TTC34: variants seen among roughly 807,000 people sequenced by gnomAD.
The protein encoded by TTC34 is tetratricopeptide repeat protein 34.
Under a neutral mutation model 40.7 loss-of-function variants are expected in TTC34, and 44 were observed. That is an observed-to-expected ratio of 1.08 (90% CI 0.85 to 1.39). The LOEUF (loss-of-function observed/expected upper bound fraction) is 1.39, where lower values mean the gene tolerates loss of function less well. Among genes scored for constraint, TTC34 ranks in the 40% most tolerant of loss-of-function variants. TTC34 has a pLI of 0.00. For synonymous variants in TTC34, 422 were observed against 398.6 expected (o/e 1.06, Z -0.70); for missense variants, 884 against 838.0 (o/e 1.05, Z -0.68).
At chr1:2,791,103 C>T (rs1020273348) in intron 2 of TTC34, among the ~76,000 whole-genome samples, 3 of 152,274 alleles carry the variant, frequency 2.0e-5, no homozygotes, top group Admixed American at 6.5e-5. Context: ...GCAGCATCCC[C>T]ACCCCCACTC....
chr1:2,644,185 C>T (rs1387639643), intron 8 of TTC34, 79 bp downstream of exon 8: 5 of 1,390,588 alleles, frequency 3.6e-6, no homozygotes, highest in Admixed American at 4.2e-5. Flanking sequence ...GAAAGGCTGC[C>T]CCAGTGGTGG....
At chr1:2,755,738 C>A (rs1641482250) in intron 6 of TTC34, among the ~76,000 whole-genome samples, 1 of 140,758 alleles carries the variant, frequency 7.1e-6, no homozygotes, top group African/African-American at 2.8e-5. Context: ...GGAGCAGCAC[C>A]CACACACCCA....
intron 6 of TTC34, among the ~76,000 whole-genome samples, chr1:2,685,789 G>A (rs1214769903): frequency 4.5e-4 from 62 of 138,878 alleles, no homozygotes; most frequent in African/African-American, 1.4e-3. Context: ...GCCTGGAACA[G>A]AACCCACACC....
Position 2,642,746 on chromosome 1 carries a change from C to A in TTC34, c.2713-851G>T, listed in dbSNP as rs555528272. 2.3e-3 allele frequency among the ~76,000 whole-genome samples: 346 copies of A among 152,358 alleles called. 1 individual carries two copies. Among genetic ancestry groups the A allele is most frequent in the African/African-American group, 8.0e-3 (331 of 41,582 alleles). The stretch of plus-strand genomic sequence containing the variant: ...GCCCGGCGGTCCTCGACGCTACCTC[C>A]CCCGGGGGGCGCAGCGCACCCAGGA... On this transcript the variant is annotated intron_variant, in intron 8 of 8. Transcript: ENST00000401095.
intron 6 of TTC34, among the ~76,000 whole-genome samples, chr1:2,759,963 A>AAGTGAGCATCTGACAGCCCAGACCC (rs1641641417): frequency 8.2e-5 from 3 of 36,654 alleles, no homozygotes; most frequent in Non-Finnish European, 1.4e-4. Flanking sequence ...CACCCACACC[A>AAGTGAGCATCTGACAGCCCAGACCC]CCAGGTGAGC....
At chr1:2,787,400 C>T in intron 4 of TTC34, 81 bp downstream of exon 4, 1 of 1,316,256 alleles carries the variant, frequency 7.6e-7, no homozygotes. Flanking sequence ...GGGTCCAGCG[C>T]CAGGGCCACG....
intron 6 of TTC34, among the ~76,000 whole-genome samples, chr1:2,687,140 T>C (rs1208639217): frequency 9.8e-5 from 13 of 132,268 alleles, no homozygotes; most frequent in East Asian, 2.3e-4. Flanking sequence ...GGTGAGCATC[T>C]GACAGCCTGG....
At chr1:2,675,193 A>G (rs1639858630) in intron 6 of TTC34, among the ~76,000 whole-genome samples, 2 of 148,352 alleles carry the variant, frequency 1.3e-5, no homozygotes, top group Non-Finnish European at 3.0e-5. Context: ...CTGGAGCAGC[A>G]CCGACAACCC....
chr1:2,795,056 C>T (rs1557694075), intron 2 of TTC34, among the ~76,000 whole-genome samples: 1 of 151,222 alleles, frequency 6.6e-6, no homozygotes, highest in East Asian at 1.9e-4. Context: ...AACAATCAAG[C>T]CTGGGCAACG....
chr1:2,782,723 G>A (rs146102387), intron 6 of TTC34, among the ~76,000 whole-genome samples: 16 of 152,320 alleles, frequency 1.1e-4, no homozygotes, highest in Non-Finnish European at 1.3e-4. Context: ...ACTTCTCGAA[G>A]TGTGATTTCT....
At chr1:2,752,025 T>G (rs1479004351) in intron 6 of TTC34, among the ~76,000 whole-genome samples, 1 of 81,206 alleles carries the variant, frequency 1.2e-5, no homozygotes, top group Non-Finnish European at 2.4e-5. Flanking sequence ...GCTGAGCATC[T>G]GACAGCGTGG....
chr1:2,775,004 A>T (rs1220628627), intron 6 of TTC34: 1 of 125,982 alleles, frequency 7.9e-6, no homozygotes, highest in African/African-American at 3.0e-5. Flanking sequence ...TGAGCATCTG[A>T]CAGCCTGGAA....
chr1:2,644,561 C>T (rs938701099), intron 7 of TTC34, 83 bp from the exon 8 acceptor site: 2 of 1,380,996 alleles, frequency 1.4e-6, no homozygotes, highest in African/African-American at 1.4e-5. Flanking sequence ...CCGCTCCTTC[C>T]CTGCCCTGTG....
At chr1:2,748,970 G>T (rs1291954107) in intron 6 of TTC34, among the ~76,000 whole-genome samples, 36 of 29,642 alleles carry the variant, frequency 1.2e-3, no homozygotes, top group East Asian at 5.4e-3. Context: ...TTCCCCAGGT[G>T]AGCATCTGAC....
intron 6 of TTC34, among the ~76,000 whole-genome samples, chr1:2,765,756 C>A (rs1400332053): frequency 4.9e-4 from 21 of 42,738 alleles, no homozygotes; most frequent in African/African-American, 1.5e-3. Context: ...GCGCCCACAC[C>A]CCCAGGTGAG....
chr1:2,794,771 T>C (rs549773132), intron 2 of TTC34, among the ~76,000 whole-genome samples: 1 of 152,326 alleles, frequency 6.6e-6, no homozygotes, highest in East Asian at 1.9e-4. Context: ...AAGTAAGTTT[T>C]CTTCTGTTTC....
intron 6 of TTC34, among the ~76,000 whole-genome samples, chr1:2,751,847 C>G (rs1478957563): frequency 1.3e-5 from 1 of 75,846 alleles, no homozygotes; most frequent in Non-Finnish European, 2.6e-5. Flanking sequence ...CAGCACCCTG[C>G]ACCCCCAAGT....
intron 6 of TTC34, among the ~76,000 whole-genome samples, chr1:2,649,643 G>A (rs951916660): frequency 6.6e-6 from 1 of 152,142 alleles, no homozygotes; most frequent in Admixed American, 6.5e-5. Flanking sequence ...AGGTTTAATC[G>A]ATTCTCCTGC....
rs1041638659 is a variant in TTC34 at position 2,700,146 on chromosome 1, C to T, written c.2227-54583G>A. 3.8e-5 allele frequency among the ~76,000 whole-genome samples: 4 copies of T among 104,360 alleles called. 1 individual carries two copies. Among genetic ancestry groups the T allele is most frequent in the African/African-American group, 6.0e-5 (2 of 33,482 alleles). The allele number at this position is 104,360 out of a possible 152,430, so 68.5% of individuals were successfully genotyped here. A position where few individuals can be genotyped will look rare whatever the true frequency, so the allele number is the denominator to read the frequency against. On this transcript the variant is annotated intron_variant, in intron 6 of 8. Coordinates refer to ENST00000401095, the Ensembl canonical transcript of TTC34. ...CAGCATCCTCACCCCAGGTGAGCATCGGACATCCTGGAGCATCACATACTC... is the reference window on the plus strand; with the variant it reads ...CAGCATCCTCACCCCAGGTGAGCATTGGACATCCTGGAGCATCACATACTC...
Sources: gnomAD v4.1 joint callset for allele counts (sites outside exome capture counted in the v4.1 genomes callset) on GRCh38, gnomAD v4.1.1 for gene constraint, MANE v1.5 for transcripts, NCBI Gene and HGNC (gene_info 2026-07-23, HGNC 2026-07-21) for gene names.